Variants in SORCS1 observed in about 807,000 individuals in gnomAD.
SORCS1 encodes sortilin related VPS10 domain containing receptor 1.
In SORCS1, 60 loss-of-function variants were observed where a neutral mutation model predicts 146.1. The observed-to-expected ratio is 0.41, with a 90% CI of 0.33 to 0.51. SORCS1 has a LOEUF of 0.51. SORCS1 is among the 20% of genes least tolerant of loss of function. The pLI is 0.21. For synonymous variants in SORCS1, 637 were observed against 584.0 expected (o/e 1.09, Z -1.31); for missense variants, 1,352 against 1,487.6 (o/e 0.91, Z 1.50).
intron 2 of SORCS1, among the ~76,000 whole-genome samples, chr10:106,881,261 CT>C (rs1242722948): frequency 3.9e-5 from 6 of 152,100 alleles, no homozygotes; most frequent in Non-Finnish European, 8.8e-5. Context: ...TTTTCTCCAT[CT>C]TTTTAAGTTT....
intron 21 of SORCS1, among the ~76,000 whole-genome samples, chr10:106,612,801 A>G (rs1847096043): frequency 6.6e-6 from 1 of 152,192 alleles, no homozygotes; most frequent in East Asian, 1.9e-4. Flanking sequence ...TATTATTCCT[A>G]GTTCTAGGTT....
At chr10:106,976,655 A>C (rs1007149163) in intron 1 of SORCS1, among the ~76,000 whole-genome samples, 1 of 152,038 alleles carries the variant, frequency 6.6e-6, no homozygotes, top group Admixed American at 6.6e-5. Context: ...TTTAAGCCGC[A>C]CATGCATTAG....
chr10:106,906,504 C>G (rs887286911), intron 2 of SORCS1, among the ~76,000 whole-genome samples: 1 of 152,136 alleles, frequency 6.6e-6, no homozygotes, highest in Non-Finnish European at 1.5e-5. Flanking sequence ...ACTTCTTACA[C>G]GGCAGCAGCA....
At chr10:106,800,732 G>A (rs886171860) in intron 3 of SORCS1, among the ~76,000 whole-genome samples, 4 of 151,786 alleles carry the variant, frequency 2.6e-5, no homozygotes, top group African/African-American at 7.3e-5. Context: ...TAGTAGAGAC[G>A]GGGTTTCACC....
At chr10:106,997,473 T>C (rs2139571523) in intron 1 of SORCS1, among the ~76,000 whole-genome samples, 1 of 152,208 alleles carries the variant, frequency 6.6e-6, no homozygotes, top group African/African-American at 2.4e-5. Flanking sequence ...ACAGAACAAT[T>C]CTCCCCAACT....
intron 1 of SORCS1, among the ~76,000 whole-genome samples, chr10:107,062,922 T>TA (rs1961368584): frequency 6.6e-6 from 1 of 152,216 alleles, no homozygotes; most frequent in Non-Finnish European, 1.5e-5. Context: ...GGAAAAATCC[T>TA]ATTGCCTATT....
At chr10:107,150,606 T>G (rs897712755) in intron 1 of SORCS1, among the ~76,000 whole-genome samples, 1 of 152,254 alleles carries the variant, frequency 6.6e-6, no homozygotes, top group African/African-American at 2.4e-5. Context: ...TCTCACTCAC[T>G]GATATGGTTT....
At chr10:107,170,634 G>T in the SORCS1 span, among the ~76,000 whole-genome samples, 8 of 152,202 alleles carry the variant, frequency 5.3e-5, no homozygotes, top group African/African-American at 1.9e-4. Flanking sequence ...CTCACTCAGA[G>T]CAAAGAGTAT....
intron 3 of SORCS1, among the ~76,000 whole-genome samples, chr10:106,816,355 G>A (rs981500789): frequency 5.9e-5 from 9 of 152,144 alleles, no homozygotes; most frequent in East Asian, 1.9e-4. Context: ...AGAAACTTAC[G>A]TTTACCTGAG....
the SORCS1 span, among the ~76,000 whole-genome samples, chr10:107,172,472 C>T: frequency 1.3e-5 from 2 of 152,158 alleles, no homozygotes; most frequent in African/African-American, 4.8e-5. Flanking sequence ...TAAACAGTAT[C>T]TCTTTTTTCT....
intron 2 of SORCS1, among the ~76,000 whole-genome samples, chr10:106,852,627 C>CAAAAAAAAAAA (rs370300215): frequency 1.2e-5 from 1 of 84,964 alleles, no homozygotes; most frequent in Non-Finnish European, 2.3e-5. Context: ...GACCCTGTCT[C>CAAAAAAAAAAA]AAAAAAAAAA....
rs1376243939 is a variant in SORCS1, at chr10:106,831,767, AC to A, written c.627-2095del. Among the ~76,000 whole-genome samples, 10 of 152,318 alleles carry A rather than the reference AC, an allele frequency of 6.6e-5. 1 individual carries two copies. The East Asian group carries it at 1.2e-3, about 18-fold the overall frequency. Reference sequence around the variant, plus strand: ...ATAGATGGCAAACAGAAAACGGTCAACACTTCAGAGGATTTAGATGCCATTC... The same window carrying A: ...ATAGATGGCAAACAGAAAACGGTCAAACTTCAGAGGATTTAGATGCCATTC... On this transcript the variant is annotated intron_variant, in intron 2 of 25. Coordinates refer to ENST00000263054, the MANE Select transcript of SORCS1 (RefSeq NM_052918.5).
At chr10:106,817,209 C>T (rs572067131) in intron 3 of SORCS1, among the ~76,000 whole-genome samples, 1 of 151,888 alleles carries the variant, frequency 6.6e-6, no homozygotes, top group Admixed American at 6.5e-5. Context: ...TTTTCCTGGA[C>T]AGCCTGGAAT....
At chr10:107,087,124 G>A (rs1800244763) in intron 1 of SORCS1, among the ~76,000 whole-genome samples, 1 of 152,176 alleles carries the variant, frequency 6.6e-6, no homozygotes, top group African/African-American at 2.4e-5. Context: ...TTCTTTTGTG[G>A]CTTCATCTCT....
At chr10:106,867,441 C>T (rs773021558) in intron 2 of SORCS1, among the ~76,000 whole-genome samples, 7 of 152,126 alleles carry the variant, frequency 4.6e-5, no homozygotes, top group Non-Finnish European at 7.4e-5. Context: ...CCCACCACCA[C>T]GCCCGGCTAA....
At chr10:107,138,325 C>A (rs758022533) in intron 1 of SORCS1, among the ~76,000 whole-genome samples, 2 of 152,168 alleles carry the variant, frequency 1.3e-5, no homozygotes, top group African/African-American at 4.8e-5. Context: ...TACTTGGTGA[C>A]TAGGATCTGA....
intron 17 of SORCS1, among the ~76,000 whole-genome samples, chr10:106,660,906 A>G (rs1850679785): frequency 6.6e-6 from 1 of 152,254 alleles, no homozygotes; most frequent in African/African-American, 2.4e-5. Flanking sequence ...GCACCTCTAG[A>G]AATATCTCCA....
At chr10:106,766,864 G>C (rs1859612853) in intron 4 of SORCS1, among the ~76,000 whole-genome samples, 3 of 152,234 alleles carry the variant, frequency 2.0e-5, no homozygotes, top group Non-Finnish European at 4.4e-5. Context: ...TTCACAGCGG[G>C]CTTTGTAATA....
At chr10:106,963,670 TG>T (rs141135268) in intron 1 of SORCS1, among the ~76,000 whole-genome samples, 37 of 150,470 alleles carry the variant, frequency 2.5e-4, no homozygotes, top group Admixed American at 4.7e-4. Flanking sequence ...TCTTGAATCC[TG>T]GGGGGGGGCC....
Sources: gnomAD v4.1 joint callset for allele counts (sites outside exome capture counted in the v4.1 genomes callset) on GRCh38, gnomAD v4.1.1 for gene constraint, MANE v1.5 for transcripts, NCBI Gene and HGNC (gene_info 2026-07-23, HGNC 2026-07-21) for gene names.